CYFIP2: variants seen among roughly 807,000 people sequenced by gnomAD.
The protein encoded by CYFIP2 is cytoplasmic FMR1 interacting protein 2, also known as cytoplasmic FMR1-interacting protein 2.
A neutral mutation model predicts 158.7 loss-of-function variants in CYFIP2; 29 were observed. That is an observed-to-expected ratio of 0.18 (90% CI 0.14 to 0.25). The LOEUF (loss-of-function observed/expected upper bound fraction) is 0.25, where lower values mean the gene tolerates loss of function less well. Ranked by LOEUF, CYFIP2 falls within the 10% of genes least tolerant of loss-of-function variation. The pLI, the probability that CYFIP2 is intolerant of heterozygous loss-of-function variation, is 1.00. For missense variants in CYFIP2, 852 were observed against 1,639.5 expected (o/e 0.52, Z 8.29); for synonymous variants, 585 against 617.6 (o/e 0.95, Z 0.78).
chr5:157,356,899 C>T lies in CYFIP2; in HGVS notation c.2674-2106C>T, dbSNP rs111460812. On this transcript the variant is annotated intron_variant, in intron 23 of 30. Coordinates refer to ENST00000620254, the MANE Select transcript of CYFIP2 (RefSeq NM_001037333.3). ...CCCACGGTTAGCTAAATCAACTCAG[C>T]AAGTCATACACTCCCAGGATTTGCT... 2.8e-3 allele frequency among the ~76,000 whole-genome samples: 432 copies of T among 152,292 alleles called. 4 individuals are homozygous for T. Among genetic ancestry groups the T allele is most frequent in the African/African-American group, 0.01 (421 of 41,558 alleles).
intron 26 of CYFIP2, among the ~76,000 whole-genome samples, chr5:157,371,275 C>T (rs1764975270): frequency 6.6e-6 from 1 of 152,204 alleles, no homozygotes; most frequent in South Asian, 2.1e-4. Flanking sequence ...CTCCCCGTCC[C>T]CCTCCTGCCA....
intron 3 of CYFIP2, among the ~76,000 whole-genome samples, chr5:157,292,790 ACT>A (rs1332984252): frequency 6.6e-6 from 1 of 151,148 alleles, no homozygotes; most frequent in Non-Finnish European, 1.5e-5. Flanking sequence ...TCGAATGGTA[ACT>A]CTGTGGTTAA....
At chr5:157,336,009 G>A (rs373658743) in intron 21 of CYFIP2, among the ~76,000 whole-genome samples, 1 of 152,172 alleles carries the variant, frequency 6.6e-6, no homozygotes, top group Non-Finnish European at 1.5e-5. Context: ...TGGCTCCCCA[G>A]AGAACACCAG....
chr5:157,311,112 T>TGGGGG lies in CYFIP2; in HGVS notation c.993-550_993-549insGGGGG. The stretch of plus-strand genomic sequence containing the variant: ...GGGGGCGAGAGGTAGAGGGGGTGGG[T>TGGGGG]GGAGGGAGGGGCCACCCCCACGTCT... On this transcript the variant is annotated intron_variant, in intron 10 of 30. Coordinates refer to ENST00000620254, the MANE Select transcript of CYFIP2 (RefSeq NM_001037333.3). This position sits in a 1 kb window ranked among gnomAD's most constrained non-coding sequence, Gnocchi z 4.7. 7.5e-6 allele frequency: 1 copy of TGGGGG among 134,158 alleles called. No individual in the cohort carries two copies. The highest frequency in any genetic ancestry group is 1.1e-4 in the Admixed American group (1 of 9,088). 8.3% of individuals were successfully genotyped at this position (134,158 alleles called of 1,614,324 possible).
intron 11 of CYFIP2, among the ~76,000 whole-genome samples, chr5:157,312,385 A>G (rs1399081496): frequency 6.6e-6 from 1 of 152,100 alleles, no homozygotes; most frequent in Non-Finnish European, 1.5e-5. Context: ...AAACCCAAAT[A>G]AGCGAAAGGA....
intron 5 of CYFIP2, among the ~76,000 whole-genome samples, chr5:157,300,165 A>G (rs1758619204): frequency 6.6e-6 from 1 of 152,166 alleles, no homozygotes; most frequent in Admixed American, 6.5e-5. Context: ...ATAAGACGTA[A>G]TGCTCAGCCA....
intron 8 of CYFIP2, among the ~76,000 whole-genome samples, chr5:157,305,535 G>A (rs956243162): frequency 6.6e-6 from 1 of 152,168 alleles, no homozygotes; most frequent in South Asian, 2.1e-4. Context: ...TTCCAAGGTG[G>A]AGTCTCATTC....
intron 26 of CYFIP2, among the ~76,000 whole-genome samples, chr5:157,381,363 A>AT (rs1766052384): frequency 1.8e-5 from 1 of 56,510 alleles, no homozygotes; most frequent in Non-Finnish European, 3.4e-5. Context: ...TAGGTATGAT[A>AT]AAAAAAAAAA....
chr5:157,368,387 A>G (rs374328153), intron 26 of CYFIP2, among the ~76,000 whole-genome samples: 2 of 152,278 alleles, frequency 1.3e-5, no homozygotes, highest in Non-Finnish European at 2.9e-5. Flanking sequence ...CCGTCACTCC[A>G]TACACCCACC....
chr5:157,381,798 G>A (rs1398951197), intron 26 of CYFIP2, among the ~76,000 whole-genome samples: 2 of 151,128 alleles, frequency 1.3e-5, no homozygotes, highest in African/African-American at 4.8e-5. Context: ...CAGATGCTTA[G>A]AATCCCAAAG....
In CYFIP2 at chr5:157,395,403, T is replaced by C. The variant is rs1767661201; in HGVS notation, c.*2403T>C. The stretch of plus-strand genomic sequence containing the variant: ...TATTTGTATTAAGAGTTGTTGGGAA[T>C]TTTTGTACAATGAATTTACATTTAT... On this transcript the variant is annotated 3_prime_UTR_variant, in exon 31 of 31. Coordinates refer to ENST00000620254, the MANE Select transcript of CYFIP2 (RefSeq NM_001037333.3). 1.5e-4 allele frequency: 54 copies of C among 360,032 alleles called. 1 individual carries two copies. The highest frequency in any genetic ancestry group is 1.2e-3 in the South Asian group (54 of 45,636). The allele number at this position is 360,032 out of a possible 1,614,324, so 22.3% of individuals were successfully genotyped here.
chr5:157,383,089 G>C (rs1766290069), intron 27 of CYFIP2, 176 bp from the exon 28 acceptor site: 5 of 603,296 alleles, frequency 8.3e-6, no homozygotes, highest in African/African-American at 1.9e-5. Flanking sequence ...ACAAATCATA[G>C]AACATTTTTC....
At position 157,329,791 on chromosome 5, in the gene CYFIP2, T is replaced by C. The variant is rs374073072; in HGVS notation, c.2157-951T>C. On this transcript the variant is annotated intron_variant, in intron 19 of 30. Coordinates refer to ENST00000620254, the MANE Select transcript of CYFIP2 (RefSeq NM_001037333.3). Reference sequence around the variant, plus strand: ...ACATCTCAAGTGTTCAGTAGGCACATGTGGCTGGTGGCTACTACTTTGGAC... The same window carrying C: ...ACATCTCAAGTGTTCAGTAGGCACACGTGGCTGGTGGCTACTACTTTGGAC... Among the ~76,000 whole-genome samples, 30 of 152,354 alleles carry C rather than the reference T, an allele frequency of 2.0e-4. No homozygotes were observed. In the East Asian group the frequency reaches 5.2e-3, roughly 26 times the overall value.
chr5:157,331,221 G>A (rs952770739), intron 20 of CYFIP2, among the ~76,000 whole-genome samples: 4 of 151,874 alleles, frequency 2.6e-5, no homozygotes, highest in Non-Finnish European at 5.9e-5. Flanking sequence ...AGACTGTGGC[G>A]CCTTTGAAAT....
chr5:157,325,441 G>T, intron 16 of CYFIP2, 41 bp from the exon 17 acceptor site: 1 of 1,562,048 alleles, frequency 6.4e-7, no homozygotes. Flanking sequence ...AGGTCTTTTA[G>T]TTCTAAAAGT....
intron 23 of CYFIP2, among the ~76,000 whole-genome samples, chr5:157,350,396 C>A (rs1175896746): frequency 6.6e-6 from 1 of 152,130 alleles, no homozygotes; most frequent in Non-Finnish European, 1.5e-5. Context: ...CCTTTCCCCG[C>A]TTTATATTTT....
chr5:157,314,498 C>A, intron 12 of CYFIP2, 35 bp downstream of exon 12: 2 of 1,594,992 alleles, frequency 1.3e-6, no homozygotes, highest in Non-Finnish European at 1.7e-6. Context: ...TCACACTGAC[C>A]TCTCTTTCCT....
chr5:157,371,301 G>A (rs917571773), intron 26 of CYFIP2, among the ~76,000 whole-genome samples: 5 of 152,126 alleles, frequency 3.3e-5, no homozygotes, highest in Non-Finnish European at 5.9e-5. Context: ...TCCAAGCAGC[G>A]ATCCCTGTGG....
chr5:157,367,305 A>T (rs1253608324), intron 26 of CYFIP2, among the ~76,000 whole-genome samples: 1 of 152,236 alleles, frequency 6.6e-6, no homozygotes, highest in Non-Finnish European at 1.5e-5. Flanking sequence ...TTCCAGTAGT[A>T]CCCTTCATTG....
Sources: gnomAD v4.1 joint callset for allele counts (sites outside exome capture counted in the v4.1 genomes callset) on GRCh38, gnomAD v4.1.1 for gene constraint, Gnocchi (gnomAD v3.1) non-coding constraint, MANE v1.5 for transcripts, NCBI Gene and HGNC (gene_info 2026-07-23, HGNC 2026-07-21) for gene names.